Variants in CEP162 observed in about 807,000 individuals in gnomAD.
CEP162 encodes the protein centrosomal protein 162.
CEP162 carries 141 observed loss-of-function variants against 169.2 expected under a neutral mutation model. That is an observed-to-expected ratio of 0.83 (90% CI 0.73 to 0.96). The LOEUF (loss-of-function observed/expected upper bound fraction) is 0.96. Ranked by LOEUF, CEP162 falls within the 40% of genes least tolerant of loss-of-function variation. The pLI, the probability that CEP162 is intolerant of heterozygous loss-of-function variation, is 0.00. For synonymous variants in CEP162, 540 were observed against 526.4 expected, an observed-to-expected ratio of 1.03 and a Z score of -0.35; for missense variants, 1,600 against 1,587.2, an observed-to-expected ratio of 1.01 and a Z score of -0.14.
intron 11 of CEP162, among the ~76,000 whole-genome samples, chr6:84,188,033 G>A (rs1323304180): frequency 6.6e-6 from 1 of 150,416 alleles, no homozygotes; most frequent in African/African-American, 2.4e-5. Flanking sequence ...AGACTTCTTG[G>A]TTGAAAAGAG....
At chr6:84,209,494 C>T (rs569267526) in intron 6 of CEP162, among the ~76,000 whole-genome samples, 2 of 152,108 alleles carry the variant, frequency 1.3e-5, no homozygotes, top group South Asian at 4.2e-4. Flanking sequence ...CCTGCCTCAG[C>T]CTCCTGAGTA....
At chr6:84,168,063 T>C (rs566123505) in intron 18 of CEP162, among the ~76,000 whole-genome samples, 2 of 152,300 alleles carry the variant, frequency 1.3e-5, no homozygotes, top group African/African-American at 4.8e-5. Context: ...CCAGTATCTT[T>C]TGGTGTTGTT....
chr6:84,171,314 A>G (rs1369013042), intron 17 of CEP162, among the ~76,000 whole-genome samples: 2 of 152,196 alleles, frequency 1.3e-5, no homozygotes, highest in African/African-American at 4.8e-5. Flanking sequence ...TTAATGACTG[A>G]TCAAGAGGAA....
At chr6:84,188,646 T>C (rs1401026501) in intron 11 of CEP162, among the ~76,000 whole-genome samples, 1 of 152,194 alleles carries the variant, frequency 6.6e-6, no homozygotes, top group Middle Eastern at 3.2e-3. Context: ...TGGGCATATT[T>C]AGGTTGATTC....
chr6:84,128,057 G>C (rs538785522), intron 25 of CEP162, among the ~76,000 whole-genome samples: 1 of 152,286 alleles, frequency 6.6e-6, no homozygotes, highest in East Asian at 1.9e-4. Flanking sequence ...AGCTTCATAA[G>C]AGCAAAGATT....
intron 17 of CEP162, among the ~76,000 whole-genome samples, chr6:84,170,411 A>G (rs574914888): frequency 1.3e-5 from 2 of 150,416 alleles, no homozygotes; most frequent in East Asian, 3.9e-4. Flanking sequence ...AAGCGTAAGT[A>G]AATGCATTCA....
chr6:84,159,526 TATATATA>T (rs2099524640), intron 21 of CEP162, among the ~76,000 whole-genome samples: 1 of 37,242 alleles, frequency 2.7e-5, no homozygotes, highest in Non-Finnish European at 5.4e-5. Context: ...TAATTATTTA[TATATATA>T]TATATATATA....
At chr6:84,191,789 G>C (rs1460313916) in intron 11 of CEP162, among the ~76,000 whole-genome samples, 1 of 152,060 alleles carries the variant, frequency 6.6e-6, no homozygotes, top group Non-Finnish European at 1.5e-5. Flanking sequence ...TATTAGAAAG[G>C]TATATCCTGG....
At chr6:84,222,349 T>C (rs987157790) in intron 2 of CEP162, among the ~76,000 whole-genome samples, 1 of 152,234 alleles carries the variant, frequency 6.6e-6, no homozygotes, top group African/African-American at 2.4e-5. Context: ...CTCCGGGTTA[T>C]TCTTCAGATC....
At chr6:84,156,743 G>GACACACACACACACACACAC (rs71736099) in intron 21 of CEP162, among the ~76,000 whole-genome samples, 29 of 125,654 alleles carry the variant, frequency 2.3e-4, no homozygotes, top group South Asian at 9.2e-4. Context: ...GTATCAAAAA[G>GACACACACACACACACACAC]ACACACACAC....
chr6:84,211,520 C>G (rs1354459517), intron 6 of CEP162, among the ~76,000 whole-genome samples: 1 of 94,742 alleles, frequency 1.1e-5, no homozygotes, highest in African/African-American at 5.1e-5. Flanking sequence ...GAGCAAGATT[C>G]TATCTCAAAA....
intron 3 of CEP162, among the ~76,000 whole-genome samples, chr6:84,218,105 G>A (rs940690685): frequency 1.3e-5 from 2 of 152,160 alleles, no homozygotes; most frequent in Non-Finnish European, 2.9e-5. Flanking sequence ...AATTGGGGGG[G>A]TATACCAAGA....
chr6:84,169,408 G>A lies in CEP162; in HGVS notation c.2305C>T (p.Leu769=), dbSNP rs149150126. The change falls in exon 18 of 27, where the codon CTG becomes TTG. Residue 769 remains leucine, a synonymous_variant. Transcript: ENST00000403245. ...LKEQMHKSRF[L]SQVVEDSEPT... is the part of the protein sequence containing the mutation. Reference sequence around the variant, plus strand: ...TCTGAATCTTCAACTACTTGAGACAGAAAACGACTTTTGTGCATCTGTTCT... The same window carrying A: ...TCTGAATCTTCAACTACTTGAGACAAAAAACGACTTTTGTGCATCTGTTCT... The A allele has an allele frequency of 1.3e-5, 20 of 1,575,092 alleles. No individual in the cohort carries two copies. Among genetic ancestry groups the A allele is most frequent in the Non-Finnish European group, 1.7e-5 (20 of 1,159,852 alleles).
At chr6:84,217,459 G>C (rs2099552013) in intron 3 of CEP162, among the ~76,000 whole-genome samples, 1 of 152,140 alleles carries the variant, frequency 6.6e-6, no homozygotes, top group Non-Finnish European at 1.5e-5. Context: ...TTAAGGAGGA[G>C]GAAAGCAGTG....
At chr6:84,172,702 A>T (rs1393850610) in intron 16 of CEP162, among the ~76,000 whole-genome samples, 2 of 152,182 alleles carry the variant, frequency 1.3e-5, no homozygotes, top group Non-Finnish European at 2.9e-5. Flanking sequence ...TGTCCTGCAA[A>T]ATCATTCCAA....
chr6:84,177,302 C>T (rs2099532793), intron 13 of CEP162, among the ~76,000 whole-genome samples: 1 of 152,114 alleles, frequency 6.6e-6, no homozygotes, highest in South Asian at 2.1e-4. Context: ...TTTTATCCAC[C>T]CTTCCCTGTA....
At chr6:84,149,016 G>A (rs1201523905) in intron 24 of CEP162, among the ~76,000 whole-genome samples, 1 of 152,134 alleles carries the variant, frequency 6.6e-6, no homozygotes, top group Non-Finnish European at 1.5e-5. Flanking sequence ...AAATGCTGAT[G>A]AGTTGGCAGC....
chr6:84,213,548 A>C (rs2099550370), intron 5 of CEP162, among the ~76,000 whole-genome samples: 1 of 152,226 alleles, frequency 6.6e-6, no homozygotes, highest in Non-Finnish European at 1.5e-5. Flanking sequence ...ATTAGTTCAT[A>C]TACTGCTTTC....
intron 21 of CEP162, among the ~76,000 whole-genome samples, chr6:84,157,134 T>G (rs1562023059): frequency 6.6e-6 from 1 of 152,186 alleles, no homozygotes; most frequent in East Asian, 1.9e-4. Flanking sequence ...GTAAAATTTT[T>G]GAAACATATA....
Sources: gnomAD v4.1 joint callset for allele counts (sites outside exome capture counted in the v4.1 genomes callset) on GRCh38, gnomAD v4.1.1 for gene constraint, MANE v1.5 for transcripts, NCBI Gene and HGNC (gene_info 2026-07-23, HGNC 2026-07-21) for gene names.